Variants in MELK observed in about 807,000 individuals in gnomAD.
The protein encoded by MELK is maternal embryonic leucine zipper kinase, also known as pEg3 kinase.
A neutral mutation model predicts 85.0 loss-of-function variants in MELK; 81 were observed. The observed-to-expected ratio is 0.95, with a 90% CI of 0.80 to 1.15. The LOEUF (loss-of-function observed/expected upper bound fraction) is 1.15, where lower values mean the gene tolerates loss of function less well. MELK is among the 50% of genes most tolerant of loss of function. The pLI, the probability that MELK is intolerant of heterozygous loss-of-function variation, is 0.00. For missense variants in MELK, 754 were observed against 777.5 expected (o/e 0.97, Z 0.36); for synonymous variants, 252 against 265.0 (o/e 0.95, Z 0.48).
chr9:36,665,481 A>G lies in MELK; in HGVS notation c.1308A>G (p.Glu436=). ...CTCCTAAGTCTGCTGTAAAGAATGA[A>G]GAGTACTTTATGTTTCCTGAGCCAA... The part of the protein sequence containing the change: ...VYTPKSAVKN[E]EYFMFPEPKT... Residue 436 remains glutamate, a synonymous_variant, in exon 14 of 18, where the codon GAA becomes GAG. Transcript: ENST00000298048. 1 of 1,613,734 alleles carries G rather than the reference A, an allele frequency of 6.2e-7. No individual in the cohort carries two copies. Among genetic ancestry groups the G allele is most frequent in the Non-Finnish European group, 8.5e-7 (1 of 1,179,716 alleles).
At chr9:36,628,927 C>T (rs1429579758) in intron 8 of MELK, among the ~76,000 whole-genome samples, 2 of 144,120 alleles carry the variant, frequency 1.4e-5, no homozygotes, top group African/African-American at 5.2e-5. Context: ...GCTGCAGTGA[C>T]ACGATCTGGG....
chr9:36,633,136 T>C lies in MELK; in HGVS notation c.770T>C (p.Leu257Pro). Residue 257 changes from leucine (L) to proline (P), a missense_variant, in exon 10 of 18, where the codon CTA (leucine) becomes CCA (proline). Physicochemically the swap from Leu to Pro is moderately conservative, Grantham distance 98 (BLOSUM62 -3). Transcript: ENST00000298048. ...AAGAAACGGATTTCTATGAAAAATCTATTGAACCATCCCTGGATCATGCAA... is the reference window on the plus strand; with the variant it reads ...AAGAAACGGATTTCTATGAAAAATCCATTGAACCATCCCTGGATCATGCAA... Reference protein sequence around the residue: ...DPKKRISMKNLLNHPWIMQDY... With the variant: ...DPKKRISMKNPLNHPWIMQDY... 8.7e-6 allele frequency: 14 copies of C among 1,610,386 alleles called. No homozygotes were observed. Among genetic ancestry groups the C allele is most frequent in the Non-Finnish European group, 1.1e-5 (13 of 1,179,272 alleles).
rs758814502 is a variant in MELK, at chr9:36,586,854, T to TTTTA, written c.145-2662_145-2659dup. On this transcript the variant is annotated intron_variant, in intron 3 of 17. Coordinates refer to ENST00000298048, the MANE Select transcript of MELK (RefSeq NM_014791.4). ...AATAATATTTTGATTACTTCCATGG[T>TTTTA]TTTATTTATTTATTTATTTATTTTT... 5.7e-4 allele frequency among the ~76,000 whole-genome samples: 87 copies of TTTTA among 152,134 alleles called. No homozygotes were observed. The Middle Eastern group carries it at 0.014, about 24-fold the overall frequency.
At chr9:36,597,440 T>C (rs923510548) in intron 6 of MELK, 150 bp downstream of exon 6, 91 of 692,796 alleles carry the variant, frequency 1.3e-4, no homozygotes, top group Non-Finnish European at 2.0e-4. Flanking sequence ...ATGGGTAGTT[T>C]TTGTAAGTTC....
intron 12 of MELK, among the ~76,000 whole-genome samples, chr9:36,655,189 A>T (rs928708563): frequency 6.6e-6 from 1 of 152,190 alleles, no homozygotes; most frequent in South Asian, 2.1e-4. Context: ...CAAGACATAT[A>T]TATACATAGA....
At chr9:36,604,157 C>T (rs1320374210) in intron 7 of MELK, among the ~76,000 whole-genome samples, 1 of 150,854 alleles carries the variant, frequency 6.6e-6, no homozygotes, top group Non-Finnish European at 1.5e-5. Context: ...TTAGTAGAGA[C>T]GGGGTTTCTC....
At chr9:36,581,801 T>G in intron 2 of MELK, 62 bp downstream of exon 2, 1 of 1,369,876 alleles carries the variant, frequency 7.3e-7, no homozygotes, top group Non-Finnish European at 1.0e-6. Flanking sequence ...ATAGATTATT[T>G]GGGTAGGTGT....
intron 8 of MELK, among the ~76,000 whole-genome samples, chr9:36,617,697 T>C (rs1467681163): frequency 6.6e-6 from 1 of 152,222 alleles, no homozygotes; most frequent in African/African-American, 2.4e-5. Context: ...TTCTAGTGTT[T>C]TTATGGTTTC....
chr9:36,594,822 T>G (rs756819704), intron 5 of MELK, 51 bp downstream of exon 5: 2 of 1,564,902 alleles, frequency 1.3e-6, no homozygotes, highest in South Asian at 2.4e-5. Flanking sequence ...CATTTACCTG[T>G]TATTTTTAGG....
chr9:36,650,855 C>G lies in MELK; in HGVS notation c.922-891C>G, dbSNP rs1243473553. On this transcript the variant is annotated intron_variant, in intron 11 of 17. Transcript: ENST00000298048. ...GATGCAGACATCAGGTGGAATCTCTCTAAGTGGGGAAGCAGTTAGCAGATG... is the reference window on the plus strand; with the variant it reads ...GATGCAGACATCAGGTGGAATCTCTGTAAGTGGGGAAGCAGTTAGCAGATG... Among the ~76,000 whole-genome samples, 3 of 152,280 alleles carry G rather than the reference C, an allele frequency of 2.0e-5. No individual in the cohort carries two copies. In the East Asian group the frequency reaches 5.8e-4, roughly 29 times the overall value.
intron 8 of MELK, among the ~76,000 whole-genome samples, chr9:36,615,859 T>G (rs1199193787): frequency 2.7e-5 from 4 of 149,974 alleles, no homozygotes; most frequent in Non-Finnish European, 5.9e-5. Context: ...GAGACGCTCC[T>G]CACTTTCCAG....
At chr9:36,649,263 G>A (rs1830479008) in intron 11 of MELK, among the ~76,000 whole-genome samples, 1 of 152,172 alleles carries the variant, frequency 6.6e-6, no homozygotes, top group Non-Finnish European at 1.5e-5. Flanking sequence ...AGCGCGGGCA[G>A]ATCATGAGGT....
chr9:36,644,577 G>T (rs1221359732), intron 11 of MELK, among the ~76,000 whole-genome samples: 1 of 152,086 alleles, frequency 6.6e-6, no homozygotes, highest in Admixed American at 6.6e-5. Flanking sequence ...AGTAAGACTT[G>T]GGAATTGCTG....
chr9:36,674,841 A>G lies in MELK; in HGVS notation c.1682A>G (p.Tyr561Cys), dbSNP rs947774243. The change falls in exon 17 of 18, where the codon TAT (tyrosine) becomes TGT (cysteine). Residue 561 changes from tyrosine (Y) to cysteine (C), a missense_variant. Physicochemically the swap from Tyr to Cys is radical, Grantham distance 194. Coordinates refer to ENST00000298048, the MANE Select transcript of MELK (RefSeq NM_014791.4). ...RDGPRRLKLH[Y>C]NVTTTRLVNP... ...TTCTTTTTCTTTTCTTAGCTTCACT[A>G]TAACGTGACTACAACTAGATTAGTG... 7.1e-6 allele frequency: 11 copies of G among 1,559,558 alleles called. No homozygotes were observed. The highest frequency in any genetic ancestry group is 9.7e-6 in the Non-Finnish European group (11 of 1,132,518).
intron 11 of MELK, among the ~76,000 whole-genome samples, chr9:36,645,332 A>G (rs1051846019): frequency 6.9e-6 from 1 of 144,748 alleles, no homozygotes. Context: ...GGTATCTTTT[A>G]TGACGTCTCT....
At chr9:36,648,182 TA>T (rs1428398425) in intron 11 of MELK, among the ~76,000 whole-genome samples, 1 of 151,892 alleles carries the variant, frequency 6.6e-6, no homozygotes, top group Non-Finnish European at 1.5e-5. Flanking sequence ...CAAAAAGGGA[TA>T]AAAAGGCAAA....
At chr9:36,661,270 A>G (rs1014610655) in intron 13 of MELK, among the ~76,000 whole-genome samples, 5 of 152,222 alleles carry the variant, frequency 3.3e-5, no homozygotes, top group African/African-American at 1.2e-4. Flanking sequence ...GCTGTTTTCT[A>G]TGAATAAATG....
intron 8 of MELK, among the ~76,000 whole-genome samples, chr9:36,615,256 C>T (rs1826526706): frequency 7.6e-6 from 1 of 131,312 alleles, no homozygotes; most frequent in African/African-American, 3.3e-5. Flanking sequence ...GCTGACCCCC[C>T]CACCTCCCTC....
At chr9:36,628,865 T>C (rs982329587) in intron 8 of MELK, among the ~76,000 whole-genome samples, 6 of 144,012 alleles carry the variant, frequency 4.2e-5, no homozygotes, top group South Asian at 2.2e-4. Context: ...TGTATTTTCT[T>C]TTTTTTTTTT....
Sources: allele counts gnomAD v4.1 joint callset (sites outside exome capture counted in the v4.1 genomes callset), GRCh38; gene constraint gnomAD v4.1.1; transcripts MANE v1.5; gene names NCBI Gene and HGNC (gene_info 2026-07-23, HGNC 2026-07-21).